The following ZNF254 variants were observed in gnomAD, a reference collection of about 807,000 sequenced individuals.
The protein encoded by ZNF254 is zinc finger protein 254, also known as CTD-2017D11.1.
A neutral mutation model predicts 12.4 loss-of-function variants in ZNF254; 10 were observed. The ratio of observed to expected loss-of-function variants is 0.80; its 90% CI spans 0.50 to 1.36. ZNF254 has a LOEUF of 1.36. Ranked by LOEUF, ZNF254 falls within the 40% of genes most tolerant of loss-of-function variation. The probability of loss-of-function intolerance (pLI) is 0.00; values close to 1 mark genes in which losing one functional copy is unlikely to be tolerated. For missense variants in ZNF254, 996 were observed against 763.9 expected (o/e 1.30, Z -3.58); for synonymous variants, 305 against 253.4 (o/e 1.20, Z -1.93).
intron 1 of ZNF254, among the ~76,000 whole-genome samples, chr19:24,089,403 G>GT (rs896958379): frequency 1.5e-4 from 23 of 151,248 alleles, no homozygotes; most frequent in African/African-American, 3.6e-4. Flanking sequence ...ATATCTCTGC[G>GT]TTTTTTTTTC....
chr19:24,118,985 C>T (rs895624954), intron 3 of ZNF254, among the ~76,000 whole-genome samples: 8 of 151,648 alleles, frequency 5.3e-5, no homozygotes, highest in East Asian at 1.9e-4. Context: ...GTGGTGGGTG[C>T]GTGTAAACCC....
intron 3 of ZNF254, 55 bp from the exon 4 acceptor site, chr19:24,126,199 T>C: frequency 8.4e-7 from 1 of 1,191,644 alleles, no homozygotes; most frequent in South Asian, 2.8e-5. Context: ...TTTTAAACTA[T>C]ATTCATGTGA....
At chr19:24,074,821 C>T (rs1196237356) in intron 2 of ZNF254, among the ~76,000 whole-genome samples, 3 of 152,128 alleles carry the variant, frequency 2.0e-5, no homozygotes, top group Non-Finnish European at 4.4e-5. Context: ...TATCTTTTCT[C>T]TGTGAGCCCT....
intron 2 of ZNF254, among the ~76,000 whole-genome samples, chr19:24,051,087 C>T (rs559264914): frequency 1.3e-5 from 2 of 152,306 alleles, no homozygotes; most frequent in Non-Finnish European, 2.9e-5. Context: ...TGTTATGTGA[C>T]TCCACACTTC....
rs1196816004 is a variant in ZNF254 at position 24,128,940 on chromosome 19, T to A, written c.*960T>A. ...TAAAAGTGAATAATGTGTTCAACTC[T>A]TAAATTCATGCTGTTTCATCATTGC... On this transcript the variant is annotated 3_prime_UTR_variant, in exon 4 of 4. Transcript: ENST00000357002. 11 of 151,884 alleles carry A rather than the reference T, an allele frequency of 7.2e-5. No individual in the cohort carries two copies. The highest frequency in any genetic ancestry group is 4.4e-5 in the Non-Finnish European group (3 of 67,892). The allele number at this position is 151,884 out of a possible 1,614,324, so 9.4% of individuals were successfully genotyped here.
intron 1 of ZNF254, among the ~76,000 whole-genome samples, chr19:24,041,446 C>T (rs1401775512): frequency 6.6e-6 from 1 of 152,226 alleles, no homozygotes; most frequent in East Asian, 1.9e-4. Flanking sequence ...CAATGGGGGA[C>T]TTAGCACCCG....
At chr19:24,097,752 C>A (rs1972756618) in intron 1 of ZNF254, among the ~76,000 whole-genome samples, 1 of 150,680 alleles carries the variant, frequency 6.6e-6, no homozygotes, top group East Asian at 1.9e-4. Flanking sequence ...TTGCACTCCA[C>A]CCTGGGCAAC....
At chr19:24,047,694 C>CTTTTT (rs1049320475) in intron 2 of ZNF254, among the ~76,000 whole-genome samples, 1 of 90,450 alleles carries the variant, frequency 1.1e-5, no homozygotes, top group South Asian at 3.6e-4. Flanking sequence ...TTTTTCTTTT[C>CTTTTT]TTTTTTTTTG....
chr19:24,091,867 T>G, intron 1 of ZNF254: 1 of 979,954 alleles, frequency 1.0e-6, no homozygotes, highest in Non-Finnish European at 1.2e-6. Flanking sequence ...CCTAGAAGTG[T>G]TCCTATGTGA....
rs1975086538 is a variant in ZNF254 at position 24,129,199 on chromosome 19, G to A, written c.*1219G>A. On this transcript the variant is annotated 3_prime_UTR_variant, in exon 4 of 4. Coordinates refer to ENST00000357002, the MANE Select transcript of ZNF254 (RefSeq NM_203282.4). ...TCCTCTGCATTATTATGAATGAAAA[G>A]CATTCTTAATTTTAGTTAAAATTAA... The A allele has an allele frequency of 1.3e-5, 2 of 151,850 alleles. No homozygotes were observed. The highest frequency in any genetic ancestry group is 2.1e-4 in the South Asian group (1 of 4,818). The allele number at this position is 151,850 out of a possible 1,614,324, so 9.4% of individuals were successfully genotyped here.
In ZNF254 at chr19:24,068,662, G is replaced by A. The variant is rs545510910; in HGVS notation, c.-94+22383G>A. Among the ~76,000 whole-genome samples the A allele has an allele frequency of 2.6e-5, 4 of 152,250 alleles. No homozygotes were observed. In the East Asian group the frequency reaches 7.7e-4, roughly 29 times the overall value. ...ATCCCCAGCCAAGAACCTAGATGATGTGATATGACTCTCCTGTCTGGTCCT... is the reference window on the plus strand; with the variant it reads ...ATCCCCAGCCAAGAACCTAGATGATATGATATGACTCTCCTGTCTGGTCCT... On this transcript the variant is annotated intron_variant, in intron 2 of 4. Coordinates refer to the ZNF254 transcript ENST00000613065.
chr19:24,053,421 A>C (rs1200241454), intron 2 of ZNF254, among the ~76,000 whole-genome samples: 1 of 152,150 alleles, frequency 6.6e-6, no homozygotes, highest in Non-Finnish European at 1.5e-5. Context: ...TAAGCACCTA[A>C]GTAATTTGAC....
intron 1 of ZNF254, among the ~76,000 whole-genome samples, chr19:24,039,195 G>A (rs190322925): frequency 6.6e-6 from 1 of 152,286 alleles, no homozygotes; most frequent in Admixed American, 6.5e-5. Flanking sequence ...AATCCACCTG[G>A]GATTAACAAG....
At chr19:24,076,915 C>G (rs986149780) in intron 2 of ZNF254, among the ~76,000 whole-genome samples, 4 of 152,236 alleles carry the variant, frequency 2.6e-5, no homozygotes, top group Admixed American at 2.6e-4. Flanking sequence ...CTATTTTATT[C>G]TTAAATAAGA....
At chr19:24,073,194 C>T (rs1971541753) in intron 2 of ZNF254, among the ~76,000 whole-genome samples, 1 of 152,152 alleles carries the variant, frequency 6.6e-6, no homozygotes, top group African/African-American at 2.4e-5. Context: ...GCATTGTCAC[C>T]CTGACCCATG....
intron 2 of ZNF254, among the ~76,000 whole-genome samples, chr19:24,051,372 C>T (rs1025695269): frequency 6.6e-6 from 1 of 152,050 alleles, no homozygotes; most frequent in African/African-American, 2.4e-5. Context: ...GTTGGCCAGG[C>T]TGGTCTCGAA....
At chr19:24,037,135 A>G (rs1009469060) in intron 1 of ZNF254, among the ~76,000 whole-genome samples, 5 of 152,238 alleles carry the variant, frequency 3.3e-5, no homozygotes, top group Admixed American at 2.0e-4. Flanking sequence ...TATCTGTAGC[A>G]TAAACCAGTC....
At chr19:24,113,906 A>G (rs1029729992) in intron 3 of ZNF254, among the ~76,000 whole-genome samples, 4 of 152,228 alleles carry the variant, frequency 2.6e-5, no homozygotes, top group African/African-American at 9.6e-5. Context: ...GAGCCAAATC[A>G]TGAGTGAACT....
chr19:24,129,781 TAAA>T lies in ZNF254; in HGVS notation c.*1805_*1807del, dbSNP rs1319346169. 6 of 151,956 alleles carry T rather than the reference TAAA, an allele frequency of 3.9e-5. No homozygotes were observed. In the South Asian group the frequency reaches 8.3e-4, roughly 21 times the overall value. The allele number at this position is 151,956 out of a possible 1,614,324, so 9.4% of individuals were successfully genotyped here. A position where few individuals can be genotyped will look rare whatever the true frequency, so the allele number is the denominator to read the frequency against. ...TACAGGGTCATTTTTATGGTCATAA[TAAA>T]AAATTTTATACAAACGTGTAAAATC... On this transcript the variant is annotated 3_prime_UTR_variant, in exon 4 of 4. Coordinates refer to ENST00000357002, the MANE Select transcript of ZNF254 (RefSeq NM_203282.4).
Sources: allele counts gnomAD v4.1 joint callset (sites outside exome capture counted in the v4.1 genomes callset), GRCh38; gene constraint gnomAD v4.1.1; transcripts MANE v1.5; gene names NCBI Gene and HGNC (gene_info 2026-07-23, HGNC 2026-07-21).